The following SLC9A9 variants were observed in gnomAD, a reference collection of about 807,000 sequenced individuals.
SLC9A9 encodes the protein sodium/hydrogen exchanger 9.
SLC9A9 carries 62 observed loss-of-function variants against 77.8 expected under a neutral mutation model. That is an observed-to-expected ratio of 0.80 (90% CI 0.65 to 0.98). The LOEUF (loss-of-function observed/expected upper bound fraction) is 0.98. Ranked by LOEUF, SLC9A9 falls within the 50% of genes least tolerant of loss-of-function variation. The pLI is 0.00. For synonymous variants in SLC9A9, 320 were observed against 283.5 expected (o/e 1.13, Z -1.29); for missense variants, 775 against 774.9 (o/e 1.00, Z 0.00).
chr3:143,513,534 T>G (rs972482238), intron 9 of SLC9A9, among the ~76,000 whole-genome samples: 2 of 152,232 alleles, frequency 1.3e-5, no homozygotes, highest in Non-Finnish European at 2.9e-5. Context: ...CCTGTTAATG[T>G]TGATATTTTG....
At chr3:143,827,789 A>G (rs1559817027) in intron 2 of SLC9A9, among the ~76,000 whole-genome samples, 1 of 152,240 alleles carries the variant, frequency 6.6e-6, no homozygotes, top group Non-Finnish European at 1.5e-5. Flanking sequence ...CCATTTTCAA[A>G]TCATGTAACT....
At chr3:143,737,170 G>A (rs571009425) in intron 4 of SLC9A9, among the ~76,000 whole-genome samples, 22 of 152,150 alleles carry the variant, frequency 1.4e-4, no homozygotes, top group African/African-American at 3.9e-4. Context: ...GATCTCTTTC[G>A]TCACGAAAAC....
intron 9 of SLC9A9, among the ~76,000 whole-genome samples, chr3:143,521,473 T>G (rs2036297738): frequency 6.6e-6 from 1 of 152,156 alleles, no homozygotes; most frequent in Non-Finnish European, 1.5e-5. Flanking sequence ...AAAAGTAAAA[T>G]CTGACAGTGT....
intron 4 of SLC9A9, among the ~76,000 whole-genome samples, chr3:143,762,488 CT>C (rs972741564): frequency 3.9e-5 from 6 of 152,222 alleles, no homozygotes; most frequent in South Asian, 4.2e-4. Context: ...AAAATAGCCC[CT>C]GATGGAAGAT....
intron 6 of SLC9A9, among the ~76,000 whole-genome samples, chr3:143,602,370 T>A (rs2037859178): frequency 2.0e-5 from 3 of 152,174 alleles, no homozygotes; most frequent in Non-Finnish European, 4.4e-5. Context: ...CAACGTGAGA[T>A]CTGGGTGAAC....
chr3:143,267,388 A>C (rs1937759141), intron 15 of SLC9A9, among the ~76,000 whole-genome samples: 1 of 130,400 alleles, frequency 7.7e-6, no homozygotes, highest in South Asian at 2.3e-4. Context: ...TCACTCTGTC[A>C]TCCAGCCTAG....
At chr3:143,717,296 T>C (rs1384709395) in intron 4 of SLC9A9, among the ~76,000 whole-genome samples, 2 of 152,230 alleles carry the variant, frequency 1.3e-5, no homozygotes, top group Non-Finnish European at 1.5e-5. Flanking sequence ...CTGGACTAGA[T>C]GTTTTGTGTC....
intron 12 of SLC9A9, among the ~76,000 whole-genome samples, chr3:143,418,360 T>C (rs16853570): frequency 0.064 from 9,694 of 152,090 alleles, 372 homozygotes; most frequent in African/African-American, 0.11. Context: ...TGGTAAACAG[T>C]GTTGGCTCTT....
At chr3:143,829,914 A>G (rs574638153) in intron 2 of SLC9A9, among the ~76,000 whole-genome samples, 40 of 152,264 alleles carry the variant, frequency 2.6e-4, no homozygotes, top group Admixed American at 5.9e-4. Flanking sequence ...TAAGCTCCTC[A>G]CTTCACAAAT....
At chr3:143,665,173 T>G (rs2039044069) in intron 5 of SLC9A9, among the ~76,000 whole-genome samples, 1 of 152,216 alleles carries the variant, frequency 6.6e-6, no homozygotes, top group East Asian at 1.9e-4. Flanking sequence ...AACTCAGGAT[T>G]AAGAAACTCA....
chr3:143,270,233 A>AC (rs1937861388), intron 14 of SLC9A9, among the ~76,000 whole-genome samples: 1 of 152,238 alleles, frequency 6.6e-6, no homozygotes, highest in Non-Finnish European at 1.5e-5. Flanking sequence ...AATATCTTGT[A>AC]AATATATCTA....
intron 4 of SLC9A9, among the ~76,000 whole-genome samples, chr3:143,772,366 C>T (rs1393046769): frequency 6.6e-6 from 1 of 152,126 alleles, no homozygotes; most frequent in Non-Finnish European, 1.5e-5. Flanking sequence ...AGCATCAAAA[C>T]AGAAAATAAT....
At chr3:143,591,995 A>T (rs1421481320) in intron 6 of SLC9A9, among the ~76,000 whole-genome samples, 1 of 152,230 alleles carries the variant, frequency 6.6e-6, no homozygotes, top group East Asian at 1.9e-4. Flanking sequence ...GGATGAGTGT[A>T]AACTGAACAT....
chr3:143,692,764 T>A (rs1426881475), intron 5 of SLC9A9, among the ~76,000 whole-genome samples: 2 of 152,138 alleles, frequency 1.3e-5, no homozygotes, highest in Non-Finnish European at 2.9e-5. Context: ...GGAAGAAGAA[T>A]AATTTTCTTG....
chr3:143,483,975 G>A (rs2035614510), intron 11 of SLC9A9, among the ~76,000 whole-genome samples: 1 of 152,150 alleles, frequency 6.6e-6, no homozygotes, highest in African/African-American at 2.4e-5. Context: ...TCTGCTGAAT[G>A]AATGACTATC....
At chr3:143,548,190 C>T (rs1018945609) in intron 9 of SLC9A9, among the ~76,000 whole-genome samples, 4 of 152,032 alleles carry the variant, frequency 2.6e-5, no homozygotes, top group African/African-American at 9.7e-5. Flanking sequence ...AAAAGGGATG[C>T]TATGGAAGTA....
chr3:143,418,950 T>C (rs1329315684), intron 12 of SLC9A9, among the ~76,000 whole-genome samples: 1 of 152,184 alleles, frequency 6.6e-6, no homozygotes, highest in Non-Finnish European at 1.5e-5. Flanking sequence ...CTTTTCATAA[T>C]GCATTACGTT....
intron 5 of SLC9A9, among the ~76,000 whole-genome samples, chr3:143,665,071 C>A (rs938640959): frequency 3.3e-5 from 5 of 152,202 alleles, no homozygotes; most frequent in Non-Finnish European, 7.3e-5. Context: ...CCAAAATTGA[C>A]CACATAGGTG....
At chr3:143,601,092 A>G (rs545057940) in intron 6 of SLC9A9, among the ~76,000 whole-genome samples, 1 of 152,108 alleles carries the variant, frequency 6.6e-6, no homozygotes, top group Non-Finnish European at 1.5e-5. Context: ...GTGGGGGGTT[A>G]TTTTTCAAAA....
Sources: gnomAD v4.1 joint callset for allele counts (sites outside exome capture counted in the v4.1 genomes callset) on GRCh38, gnomAD v4.1.1 for gene constraint, MANE v1.5 for transcripts, NCBI Gene and HGNC (gene_info 2026-07-23, HGNC 2026-07-21) for gene names.